Variants in KCTD14 observed in about 807,000 individuals in gnomAD.
The protein encoded by KCTD14 is potassium channel tetramerization domain containing 14, also known as BTB/POZ domain-containing protein KCTD14.
In KCTD14, 7 loss-of-function variants were observed where a neutral mutation model predicts 5.9. The observed-to-expected ratio is 1.19, with a 90% CI of 0.68 to 2.23. The LOEUF (loss-of-function observed/expected upper bound fraction) is 2.23, where lower values mean the gene tolerates loss of function less well. Among genes scored for constraint, KCTD14 ranks in the 30% most tolerant of loss-of-function variants. The pLI, the probability that KCTD14 is intolerant of heterozygous loss-of-function variation, is 0.00. For missense variants in KCTD14, 342 were observed against 332.2 expected (o/e 1.03, Z -0.23); for synonymous variants, 140 against 133.1 (o/e 1.05, Z -0.36).
chr11:78,041,259 G>T lies in KCTD14; in HGVS notation c.-95-2501C>A, dbSNP rs116990137. Among the ~76,000 whole-genome samples, 380 of 152,262 alleles carry T rather than the reference G, an allele frequency of 2.5e-3. 1 individual carries two copies. The highest frequency in any genetic ancestry group is 4.2e-3 in the Non-Finnish European group (283 of 68,016). On this transcript the variant is annotated intron_variant, in intron 1 of 2. Coordinates refer to the KCTD14 transcript ENST00000533144. The stretch of plus-strand genomic sequence containing the variant: ...GCAGGGAGCAAACCTACTGTGTGTG[G>T]GTGGGCTCAGGGCTGGATGCTGGAG...
At chr11:78,044,948 G>A (rs1415456849) in intron 1 of KCTD14, among the ~76,000 whole-genome samples, 1 of 152,170 alleles carries the variant, frequency 6.6e-6, no homozygotes, top group Non-Finnish European at 1.5e-5. Flanking sequence ...GCACTTGGGA[G>A]GGGCCCGCAT....
intron 1 of KCTD14, among the ~76,000 whole-genome samples, chr11:78,039,241 G>T (rs554030622): frequency 6.6e-6 from 1 of 152,150 alleles, no homozygotes; most frequent in African/African-American, 2.4e-5. Flanking sequence ...ACCAGGCCAG[G>T]TGCGGCAGTT....
At chr11:78,022,896 G>A in intron 1 of KCTD14, 1 of 470,970 alleles carries the variant, frequency 2.1e-6, no homozygotes, top group East Asian at 3.7e-5. Flanking sequence ...CAATGTAGAG[G>A]GAGGAAGCAA....
chr11:78,025,260 G>A (rs753929632), upstream of KCTD14, among the ~76,000 whole-genome samples: 2 of 151,252 alleles, frequency 1.3e-5, no homozygotes, highest in African/African-American at 2.4e-5. Context: ...CAAAAATGAA[G>A]AACTTGGAGT....
At chr11:78,017,815 G>A (rs1428622602) in intron 1 of KCTD14, among the ~76,000 whole-genome samples, 1 of 152,130 alleles carries the variant, frequency 6.6e-6, no homozygotes, top group African/African-American at 2.4e-5. Flanking sequence ...TATGGGAGGA[G>A]GCCAGGCACG....
At position 78,043,028 on chromosome 11, in the gene KCTD14, C is replaced by T. The variant is rs142029977; in HGVS notation, c.-96+3033G>A. Among the ~76,000 whole-genome samples the T allele has an allele frequency of 3.3e-4, 50 of 152,350 alleles. No homozygotes were observed. The East Asian group carries it at 8.1e-3, about 25-fold the overall frequency. On this transcript the variant is annotated intron_variant, in intron 1 of 2. Coordinates refer to the KCTD14 transcript ENST00000533144. ...CAAAGACAAGGGAAGAGGGGCTGGGCACCGTGGCTCACACCTGTAATCCCT... is the reference window on the plus strand; with the variant it reads ...CAAAGACAAGGGAAGAGGGGCTGGGTACCGTGGCTCACACCTGTAATCCCT...
chr11:78,030,261 CA>C (rs1003252775), intron 2 of KCTD14, among the ~76,000 whole-genome samples: 2 of 152,094 alleles, frequency 1.3e-5, no homozygotes, highest in Non-Finnish European at 1.5e-5. Flanking sequence ...TTGACCCTGG[CA>C]GTTCAAAATA....
chr11:78,022,957 G>A, intron 1 of KCTD14: 2 of 548,804 alleles, frequency 3.6e-6, no homozygotes, highest in Non-Finnish European at 6.4e-6. Context: ...GGGACACCGA[G>A]GCGCGAAAGG....
intron 2 of KCTD14, among the ~76,000 whole-genome samples, chr11:78,031,161 C>T (rs1397395080): frequency 6.6e-6 from 1 of 151,128 alleles, no homozygotes; most frequent in East Asian, 2.0e-4. Flanking sequence ...ATCAAGCAAC[C>T]CTCCTGCCTT....
At chr11:78,042,210 T>C (rs1858014587) in intron 1 of KCTD14, among the ~76,000 whole-genome samples, 2 of 152,204 alleles carry the variant, frequency 1.3e-5, no homozygotes, top group South Asian at 4.1e-4. Flanking sequence ...ATTTCGTTCA[T>C]AGTTTAAATG....
chr11:78,043,240 A>G (rs1858043495), intron 1 of KCTD14, among the ~76,000 whole-genome samples: 2 of 151,982 alleles, frequency 1.3e-5, no homozygotes, highest in Non-Finnish European at 2.9e-5. Flanking sequence ...TGTACTATGT[A>G]GTAAGATATT....
chr11:78,025,434 G>A (rs938677739), upstream of KCTD14, among the ~76,000 whole-genome samples: 6 of 151,956 alleles, frequency 3.9e-5, no homozygotes. Context: ...TCCTTTCCCA[G>A]ACCACTGACT....
chr11:78,021,481 C>A (rs1288191132), intron 1 of KCTD14, among the ~76,000 whole-genome samples: 1 of 151,756 alleles, frequency 6.6e-6, no homozygotes, highest in East Asian at 2.0e-4. Context: ...TGCAGTGGTA[C>A]AATCTCGGCT....
chr11:78,042,440 G>A (rs1344619104), intron 1 of KCTD14, among the ~76,000 whole-genome samples: 3 of 152,020 alleles, frequency 2.0e-5, no homozygotes, highest in Non-Finnish European at 4.4e-5. Context: ...CCTGGGAGGC[G>A]GAGGTTGCAG....
intron 1 of KCTD14, among the ~76,000 whole-genome samples, chr11:78,021,637 T>TCGAACG (rs1205385101): frequency 9.9e-5 from 15 of 152,254 alleles, no homozygotes; most frequent in African/African-American, 3.4e-4. Context: ...CAGGCTGGCC[T>TCGAACG]CGAACGCCTG....
intron 2 of KCTD14, among the ~76,000 whole-genome samples, chr11:78,034,467 C>G (rs1380068551): frequency 6.6e-6 from 1 of 152,050 alleles, no homozygotes; most frequent in Non-Finnish European, 1.5e-5. Flanking sequence ...TTCTCTCTCT[C>G]TCTCTCTCTC....
chr11:78,020,009 A>T (rs1857269771), intron 1 of KCTD14, among the ~76,000 whole-genome samples: 1 of 152,184 alleles, frequency 6.6e-6, no homozygotes, highest in Admixed American at 6.5e-5. Context: ...TTACATGCAA[A>T]CCTTGTGCCA....
intron 1 of KCTD14, among the ~76,000 whole-genome samples, chr11:78,040,693 G>A (rs1857968427): frequency 1.3e-5 from 2 of 149,842 alleles, no homozygotes; most frequent in South Asian, 2.1e-4. Flanking sequence ...TTTTTGAGAT[G>A]GAGTTTCACT....
At position 78,017,030 on chromosome 11, in the gene KCTD14, G is replaced by A. The variant is rs745616206; in HGVS notation, c.331C>T (p.Gln111Ter). 7.4e-6 allele frequency: 12 copies of A among 1,614,136 alleles called. No homozygotes were observed. The South Asian group carries it at 1.2e-4, about 16-fold the overall frequency. ...QHIPEVYREA[Q>*]FYEIKPLVKL... ...ACCAAAGGCTTGATTTCGTAGAACT[G>A]AGCCTCACGGTACACTTCAGGGATG... Residue 111 changes from glutamine to a stop codon, truncating the protein, a stop_gained, in exon 2 of 2, where the codon CAG (glutamine) becomes TAG (stop). Coordinates refer to ENST00000353172, the MANE Select transcript of KCTD14 (RefSeq NM_023930.4). LOFTEE classifies it low-confidence loss of function (END_TRUNC).
Sources: gnomAD v4.1 joint callset for allele counts (sites outside exome capture counted in the v4.1 genomes callset) on GRCh38, gnomAD v4.1.1 for gene constraint, MANE v1.5 for transcripts, NCBI Gene and HGNC (gene_info 2026-07-23, HGNC 2026-07-21) for gene names.